The following THSD4 variants were observed in gnomAD, a reference collection of about 807,000 sequenced individuals.
THSD4 encodes thrombospondin type-1 domain-containing protein 4.
A neutral mutation model predicts 119.0 loss-of-function variants in THSD4; 69 were observed. That is an observed-to-expected ratio of 0.58 (90% CI 0.48 to 0.71). THSD4 has a LOEUF of 0.71. THSD4 is among the 30% of genes least tolerant of loss of function. THSD4 has a pLI of 0.00. For missense variants in THSD4, 1,393 were observed against 1,391.1 expected, an observed-to-expected ratio of 1.00 and a Z score of -0.02; for synonymous variants, 524 against 540.4, an observed-to-expected ratio of 0.97 and a Z score of 0.42.
intron 7 of THSD4, among the ~76,000 whole-genome samples, chr15:71,452,398 C>T (rs2047277679): frequency 6.6e-6 from 1 of 151,726 alleles, no homozygotes; most frequent in Admixed American, 6.6e-5. Flanking sequence ...GGGGAGGCTG[C>T]ATGAGGTGAA....
intron 3 of THSD4, among the ~76,000 whole-genome samples, chr15:71,205,959 C>T (rs376223560): frequency 6.6e-6 from 1 of 151,660 alleles, no homozygotes; most frequent in Non-Finnish European, 1.5e-5. Context: ...CTGCAACCTC[C>T]TCCTCCTTGC....
chr15:71,148,432 C>T (rs1414248404), intron 2 of THSD4, among the ~76,000 whole-genome samples: 8 of 152,236 alleles, frequency 5.3e-5, no homozygotes, highest in Non-Finnish European at 1.0e-4. Flanking sequence ...TGATATTCAC[C>T]TTGGTGCCTC....
chr15:71,379,165 G>A (rs548789611), intron 6 of THSD4, among the ~76,000 whole-genome samples: 1 of 150,834 alleles, frequency 6.6e-6, no homozygotes, highest in East Asian at 1.9e-4. Flanking sequence ...GCACTGGTGT[G>A]TGTGGGTGGG....
At chr15:71,438,791 T>C (rs1165468391) in intron 7 of THSD4, among the ~76,000 whole-genome samples, 14 of 152,256 alleles carry the variant, frequency 9.2e-5, no homozygotes, top group Admixed American at 9.2e-4. Context: ...AAAGGTAAGT[T>C]TGCTTTGCTC....
chr15:71,443,295 C>T (rs1046291337), intron 7 of THSD4, among the ~76,000 whole-genome samples: 8 of 152,126 alleles, frequency 5.3e-5, no homozygotes, highest in Admixed American at 5.2e-4. Context: ...CTTCTCTGGC[C>T]TCCCTGGGTT....
At chr15:71,702,017 A>G (rs2052299819) in intron 8 of THSD4, among the ~76,000 whole-genome samples, 1 of 152,244 alleles carries the variant, frequency 6.6e-6, no homozygotes, top group Admixed American at 6.5e-5. Flanking sequence ...TCTTTGGACC[A>G]GATGCCCCCT....
At chr15:71,160,161 G>T (rs569247922) in intron 3 of THSD4, among the ~76,000 whole-genome samples, 1 of 152,126 alleles carries the variant, frequency 6.6e-6, no homozygotes, top group African/African-American at 2.4e-5. Context: ...CCATCCCTGG[G>T]ATGAATCCCA....
intron 6 of THSD4, among the ~76,000 whole-genome samples, chr15:71,287,794 G>T (rs1417899433): frequency 6.6e-6 from 1 of 152,140 alleles, no homozygotes; most frequent in Admixed American, 6.5e-5. Flanking sequence ...TTGATGTTCT[G>T]AGCTGGTAGA....
At chr15:71,738,854 T>C (rs763556350) in intron 11 of THSD4, among the ~76,000 whole-genome samples, 4 of 151,930 alleles carry the variant, frequency 2.6e-5, no homozygotes, top group Non-Finnish European at 4.4e-5. Context: ...GACCTCAGCA[T>C]AAAAAAACAC....
intron 7 of THSD4, among the ~76,000 whole-genome samples, chr15:71,459,543 C>A (rs1012256455): frequency 6.6e-6 from 1 of 152,128 alleles, no homozygotes; most frequent in Non-Finnish European, 1.5e-5. Context: ...AAGTTTTCTT[C>A]AAATAGTTGT....
At chr15:71,359,545 C>T (rs1241090847) in intron 6 of THSD4, among the ~76,000 whole-genome samples, 2 of 152,182 alleles carry the variant, frequency 1.3e-5, no homozygotes, top group Admixed American at 6.5e-5. Context: ...TGGTGGCTCA[C>T]GCCCGTAATC....
intron 15 of THSD4, among the ~76,000 whole-genome samples, chr15:71,759,241 G>T (rs1037618509): frequency 2.0e-5 from 3 of 152,150 alleles, no homozygotes; most frequent in Admixed American, 2.0e-4. Flanking sequence ...TCCCTTTAAT[G>T]TTTTTTAAAA....
At chr15:71,242,503 C>T (rs577998114) in intron 4 of THSD4, 146 bp from the exon 5 acceptor site, 18 of 814,278 alleles carry the variant, frequency 2.2e-5, no homozygotes, top group Middle Eastern at 3.2e-4. Context: ...TTCTAAAATG[C>T]GTTCCCCCTG....
At chr15:71,259,080 T>C (rs1213475274) in intron 6 of THSD4, among the ~76,000 whole-genome samples, 1 of 151,496 alleles carries the variant, frequency 6.6e-6, no homozygotes, top group African/African-American at 2.4e-5. Context: ...GCCATTGCAC[T>C]GCAGCCTGGA....
chr15:71,362,927 G>A (rs2045911462), intron 6 of THSD4, among the ~76,000 whole-genome samples: 1 of 146,174 alleles, frequency 6.8e-6, no homozygotes, highest in South Asian at 2.2e-4. Flanking sequence ...TGGAAGAATT[G>A]TGAATTAGTA....
intron 7 of THSD4, among the ~76,000 whole-genome samples, chr15:71,535,809 A>G (rs551880250): frequency 6.6e-6 from 1 of 152,348 alleles, no homozygotes; most frequent in African/African-American, 2.4e-5. Context: ...GTATAAGAAT[A>G]CTTCATAGGT....
chr15:71,475,491 T>A (rs1355147568), intron 7 of THSD4, among the ~76,000 whole-genome samples: 5 of 152,188 alleles, frequency 3.3e-5, no homozygotes, highest in Admixed American at 3.3e-4. Flanking sequence ...AATCTGGGGA[T>A]CTTGTTAAAA....
intron 7 of THSD4, among the ~76,000 whole-genome samples, chr15:71,549,139 T>A (rs2048887357): frequency 6.6e-6 from 1 of 152,228 alleles, no homozygotes; most frequent in Admixed American, 6.5e-5. Flanking sequence ...TTGGTGCTTT[T>A]CAGACAGTGC....
intron 6 of THSD4, among the ~76,000 whole-genome samples, chr15:71,329,610 G>C (rs2140371319): frequency 6.6e-6 from 1 of 152,334 alleles, no homozygotes; most frequent in South Asian, 2.1e-4. Flanking sequence ...GTCTCAGGCA[G>C]TATGCTGGAC....
Sources: gnomAD v4.1 joint callset for allele counts (sites outside exome capture counted in the v4.1 genomes callset) on GRCh38, gnomAD v4.1.1 for gene constraint, MANE v1.5 for transcripts, NCBI Gene and HGNC (gene_info 2026-07-23, HGNC 2026-07-21) for gene names.